CDK14: variants seen among roughly 807,000 people sequenced by gnomAD.
CDK14 encodes the protein cyclin dependent kinase 14.
In CDK14, 34 loss-of-function variants were observed where a neutral mutation model predicts 60.7. That is an observed-to-expected ratio of 0.56 (90% CI 0.43 to 0.75). CDK14 has a LOEUF of 0.75. CDK14 is among the 30% of genes least tolerant of loss of function. The pLI, the probability that CDK14 is intolerant of heterozygous loss-of-function variation, is 0.00. For synonymous variants in CDK14, 197 were observed against 203.7 expected (o/e 0.97, Z 0.28); for missense variants, 482 against 564.1 (o/e 0.85, Z 1.47).
At chr7:91,015,453 C>A (rs1323409944) in intron 10 of CDK14, among the ~76,000 whole-genome samples, 1 of 151,482 alleles carries the variant, frequency 6.6e-6, no homozygotes, top group Non-Finnish European at 1.5e-5. Flanking sequence ...GAAGATGTAT[C>A]CTGTAGCATT....
At chr7:91,184,407 C>T (rs912190691) in intron 14 of CDK14, among the ~76,000 whole-genome samples, 3 of 151,926 alleles carry the variant, frequency 2.0e-5, no homozygotes, top group African/African-American at 2.4e-5. Flanking sequence ...TGGGTAAGTT[C>T]GGAGAAAGAG....
intron 11 of CDK14, among the ~76,000 whole-genome samples, chr7:91,066,180 A>G (rs1257388186): frequency 6.6e-6 from 1 of 152,210 alleles, no homozygotes; most frequent in Admixed American, 6.5e-5. Flanking sequence ...TTAATTATGA[A>G]GAACAGCTAG....
intron 2 of CDK14, among the ~76,000 whole-genome samples, chr7:90,713,657 T>G (rs1248267153): frequency 6.9e-6 from 1 of 145,788 alleles, no homozygotes; most frequent in Non-Finnish European, 1.5e-5. Context: ...TCAGGAGAGA[T>G]AAGAGAGAAT....
At chr7:90,670,689 A>T (rs1801078133) in intron 2 of CDK14, among the ~76,000 whole-genome samples, 1 of 152,112 alleles carries the variant, frequency 6.6e-6, no homozygotes, top group African/African-American at 2.4e-5. Context: ...TTAAACAACC[A>T]GATCCTGTGA....
At position 91,157,245 on chromosome 7, in the gene CDK14, G is replaced by A. The variant is rs370934712; in HGVS notation, c.*28+39037G>A. On this transcript the variant is annotated intron_variant, in intron 14 of 14. Coordinates refer to ENST00000380050, the MANE Select transcript of CDK14 (RefSeq NM_001287135.2). ...TTTTGGAACATGAGCACCTAAACTC[G>A]GGCCGCAATCAGCTTATCCATGAAG... is the stretch of plus-strand genomic sequence containing the variant. 7.9e-5 allele frequency among the ~76,000 whole-genome samples: 12 copies of A among 152,242 alleles called. No homozygotes were observed. In the South Asian group the frequency reaches 2.5e-3, roughly 32 times the overall value.
At chr7:90,696,709 G>A (rs1022394735) in intron 2 of CDK14, among the ~76,000 whole-genome samples, 6 of 152,258 alleles carry the variant, frequency 3.9e-5, no homozygotes, top group East Asian at 1.9e-4. Flanking sequence ...GTTTACTGAC[G>A]GTACTTAAGG....
At chr7:90,597,048 G>A (rs1404306892) in intron 1 of CDK14, 5 of 292,124 alleles carry the variant, frequency 1.7e-5, no homozygotes, top group African/African-American at 8.9e-5. Context: ...AAGGGGCTGC[G>A]CGGCTGCTTG....
At chr7:91,078,382 C>T (rs752314160) in intron 11 of CDK14, among the ~76,000 whole-genome samples, 2 of 152,082 alleles carry the variant, frequency 1.3e-5, no homozygotes, top group African/African-American at 2.4e-5. Flanking sequence ...CAAGGCAGGT[C>T]GATCACCTGA....
intron 7 of CDK14, among the ~76,000 whole-genome samples, chr7:90,913,917 A>G (rs896022586): frequency 1.3e-5 from 2 of 152,154 alleles, no homozygotes; most frequent in Non-Finnish European, 2.9e-5. Context: ...AGAAGGTCAA[A>G]GAGACCTTCA....
intron 10 of CDK14, among the ~76,000 whole-genome samples, chr7:90,989,988 G>A (rs1164992114): frequency 6.6e-6 from 1 of 152,132 alleles, no homozygotes; most frequent in Non-Finnish European, 1.5e-5. Flanking sequence ...ATCAGGCAGT[G>A]GTATAGGAGT....
At chr7:90,720,221 C>CA (rs1802397235) in intron 2 of CDK14, among the ~76,000 whole-genome samples, 1 of 152,128 alleles carries the variant, frequency 6.6e-6, no homozygotes, top group Non-Finnish European at 1.5e-5. Context: ...AGACTAAATT[C>CA]ACTGAAGTGA....
At chr7:90,919,189 A>G (rs1485601447) in intron 8 of CDK14, among the ~76,000 whole-genome samples, 2 of 152,152 alleles carry the variant, frequency 1.3e-5, no homozygotes, top group African/African-American at 4.8e-5. Context: ...TGATTTTCTT[A>G]TGGTGTGTTA....
intron 2 of CDK14, among the ~76,000 whole-genome samples, chr7:90,629,082 TA>T (rs918349517): frequency 2.4e-4 from 37 of 152,268 alleles, no homozygotes; most frequent in Middle Eastern, 3.4e-3. Context: ...GTTTTATATA[TA>T]TTTTTTTAAA....
intron 14 of CDK14, 93 bp downstream of exon 14, chr7:91,118,301 T>C: frequency 1.6e-6 from 1 of 620,728 alleles, no homozygotes; most frequent in Middle Eastern, 2.6e-4. Flanking sequence ...TTTCACCAAC[T>C]ATCCTATGAG....
At chr7:90,653,958 G>A (rs1199620938) in intron 2 of CDK14, among the ~76,000 whole-genome samples, 1 of 152,172 alleles carries the variant, frequency 6.6e-6, no homozygotes, top group Non-Finnish European at 1.5e-5. Flanking sequence ...GAGAATGATG[G>A]TTTCACACTT....
intron 14 of CDK14, among the ~76,000 whole-genome samples, chr7:91,139,861 T>C (rs1800402096): frequency 6.6e-6 from 1 of 151,828 alleles, no homozygotes; most frequent in Non-Finnish European, 1.5e-5. Context: ...TTTCTCTTTA[T>C]TTTCCCTCTT....
At position 90,832,399 on chromosome 7, in the gene CDK14, A is replaced by G. The variant is rs117131955; in HGVS notation, c.545-30776A>G. Among the ~76,000 whole-genome samples the G allele has an allele frequency of 9.5e-3, 1,445 of 152,264 alleles. 15 individuals are homozygous for G. The highest frequency in any genetic ancestry group is 0.016 in the Admixed American group (239 of 15,298). On this transcript the variant is annotated intron_variant, in intron 5 of 14. Transcript: ENST00000380050. ...GGAAAGTTACACATAAGAGACCCCAATGAGAACACTGTTATTGGACCCATA... is the reference window on the plus strand; with the variant it reads ...GGAAAGTTACACATAAGAGACCCCAGTGAGAACACTGTTATTGGACCCATA...
chr7:90,926,308 A>G (rs1451775686), intron 8 of CDK14, among the ~76,000 whole-genome samples: 2 of 150,916 alleles, frequency 1.3e-5, no homozygotes, highest in Non-Finnish European at 3.0e-5. Context: ...TCCCAACCCC[A>G]CGAGTCTTGA....
intron 12 of CDK14, among the ~76,000 whole-genome samples, chr7:91,083,077 GT>G (rs1208334299): frequency 6.6e-6 from 1 of 151,896 alleles, no homozygotes; most frequent in African/African-American, 2.4e-5. Context: ...AGTTGAGTGA[GT>G]TCTTAAATCA....
Sources: allele counts gnomAD v4.1 joint callset (sites outside exome capture counted in the v4.1 genomes callset), GRCh38; gene constraint gnomAD v4.1.1; transcripts MANE v1.5; gene names NCBI Gene and HGNC (gene_info 2026-07-23, HGNC 2026-07-21).